Variants in ZNF471 observed in about 807,000 individuals in gnomAD.
ZNF471 encodes the protein EZFIT-related protein 1.
ZNF471 carries 7 observed loss-of-function variants against 13.7 expected under a neutral mutation model. The ratio of observed to expected loss-of-function variants is 0.51; its 90% CI spans 0.29 to 0.96. ZNF471 has a LOEUF of 0.96. Ranked by LOEUF, ZNF471 falls within the 40% of genes least tolerant of loss-of-function variation. The pLI, the probability that ZNF471 is intolerant of heterozygous loss-of-function variation, is 0.08. For synonymous variants in ZNF471, 218 were observed against 235.6 expected (o/e 0.93, Z 0.68); for missense variants, 663 against 743.3 (o/e 0.89, Z 1.26).
At chr19:56,511,221 T>C (rs1278290022) in intron 1 of ZNF471, among the ~76,000 whole-genome samples, 1 of 151,152 alleles carries the variant, frequency 6.6e-6, no homozygotes, top group African/African-American at 2.4e-5. Context: ...ACCTGTAAAA[T>C]GGAGGAAATG....
At chr19:56,511,414 TG>T in intron 1 of ZNF471, 102 bp from the exon 2 acceptor site, 1 of 895,240 alleles carries the variant, frequency 1.1e-6, no homozygotes, top group Non-Finnish European at 1.7e-6. Context: ...TACCCAGTTA[TG>T]GGATCAACCA....
intron 3 of ZNF471, among the ~76,000 whole-genome samples, chr19:56,517,297 A>G (rs1482466161): frequency 9.3e-6 from 1 of 107,786 alleles, no homozygotes; most frequent in Non-Finnish European, 1.8e-5. Flanking sequence ...ACACCCAGCT[A>G]ATTTTTTTTT....
In ZNF471 at chr19:56,529,760, A is replaced by C. The variant is rs1055397405; in HGVS notation, c.*3812A>C. 3.9e-5 allele frequency: 6 copies of C among 152,352 alleles called. No individual in the cohort carries two copies. The highest frequency in any genetic ancestry group is 1.4e-4 in the African/African-American group (6 of 41,574). 9.4% of individuals were successfully genotyped at this position (152,352 alleles called of 1,614,324 possible). A position where few individuals can be genotyped will look rare whatever the true frequency, so the allele number is the denominator to read the frequency against. ...GTCCTCATCCCCACCAACACAAACC[A>C]GCAGAAATTTTATGTGAATGTGAAG... is the stretch of plus-strand genomic sequence containing the variant. On this transcript the variant is annotated 3_prime_UTR_variant, in exon 5 of 5. Coordinates refer to ENST00000308031, the MANE Select transcript of ZNF471 (RefSeq NM_020813.4).
chr19:56,514,658 C>T (rs1037158170), intron 2 of ZNF471, among the ~76,000 whole-genome samples: 2 of 152,124 alleles, frequency 1.3e-5, no homozygotes, highest in African/African-American at 4.8e-5. Flanking sequence ...GGGGTGCACA[C>T]TGTAAACATG....
Position 56,510,543 on chromosome 19 carries a change from G to T in ZNF471, c.-55-974G>T. The T allele has an allele frequency of 1.0e-6, 1 of 985,692 alleles. No homozygotes were observed. The allele number at this position is 985,692 out of a possible 1,614,324, so 61.1% of individuals were successfully genotyped here. On this transcript the variant is annotated intron_variant, in intron 1 of 4. Transcript: ENST00000308031. The surrounding 1 kb of genome is among the most constrained non-coding windows in gnomAD (Gnocchi z 4.3). ...TGTGAAGGTGTTGGTGAATCACCAC[G>T]TGTGCTTATATTCATGTCCTCAGGC...
In ZNF471 at chr19:56,508,345, T is replaced by G. The variant is rs1332765047; in HGVS notation, c.-56+425T>G. Among the ~76,000 whole-genome samples the G allele has an allele frequency of 1.4e-5, 2 of 144,048 alleles. No homozygotes were observed. The highest frequency in any genetic ancestry group is 2.2e-4 in the South Asian group (1 of 4,474). The allele number at this position is 144,048 out of a possible 152,430, so 94.5% of individuals were successfully genotyped here. ...GAGAGACCAGTGAGTGTGAGAGAGA[T>G]AGGGATGTGCCTGCATTTGAAAGAG... On this transcript the variant is annotated intron_variant, in intron 1 of 4. Coordinates refer to ENST00000308031, the MANE Select transcript of ZNF471 (RefSeq NM_020813.4). This position sits in a 1 kb window ranked among gnomAD's most constrained non-coding sequence, Gnocchi z 4.7.
At chr19:56,512,951 T>C (rs943631310) in intron 2 of ZNF471, among the ~76,000 whole-genome samples, 3 of 152,206 alleles carry the variant, frequency 2.0e-5, no homozygotes, top group Non-Finnish European at 2.9e-5. Flanking sequence ...AACATTTACA[T>C]GGATTCTGGG....
chr19:56,524,219 G>T lies in ZNF471; in HGVS notation c.257-105G>T. ...CAGTTGACATGCCTGTACATAACAGGTTTTGTGAGATTTATTAAATATTTT... is the reference window on the plus strand; with the variant it reads ...CAGTTGACATGCCTGTACATAACAGTTTTTGTGAGATTTATTAAATATTTT... On this transcript the variant is annotated intron_variant, in intron 4 of 4. Transcript: ENST00000308031. The surrounding 1 kb of genome is among the most constrained non-coding windows in gnomAD (Gnocchi z 4.8). 1 of 843,730 alleles carries T rather than the reference G, an allele frequency of 1.2e-6. No homozygotes were observed. Among genetic ancestry groups the T allele is most frequent in the Non-Finnish European group, 1.8e-6 (1 of 566,250 alleles). 52.3% of individuals were successfully genotyped at this position (843,730 alleles called of 1,614,324 possible). A position where few individuals can be genotyped will look rare whatever the true frequency, so the allele number is the denominator to read the frequency against.
At chr19:56,511,363 C>A (rs537368293) in intron 1 of ZNF471, among the ~76,000 whole-genome samples, 154 bp from the exon 2 acceptor site, 2 of 150,964 alleles carry the variant, frequency 1.3e-5, no homozygotes, top group East Asian at 1.9e-4. Context: ...AAAAAAAAAA[C>A]CGTTATGAGT....
At chr19:56,521,490 T>G (rs941280652) in intron 4 of ZNF471, among the ~76,000 whole-genome samples, 10 of 151,776 alleles carry the variant, frequency 6.6e-5, no homozygotes, top group Admixed American at 5.9e-4. Flanking sequence ...TACAAAAAAA[T>G]TAGCTGGGCA....
chr19:56,508,082 C>G lies in ZNF471; in HGVS notation c.-56+162C>G. The G allele has an allele frequency of 1.0e-6, 1 of 985,132 alleles. No homozygotes were observed. The highest frequency in any genetic ancestry group is 1.2e-6 in the Non-Finnish European group (1 of 829,678). The allele number at this position is 985,132 out of a possible 1,614,324, so 61.0% of individuals were successfully genotyped here. ...AGCGGGGCGCGCGTACTCGAGTCTG[C>G]GGGGCGGAGGCCGCGGCTCGGGGCT... On this transcript the variant is annotated intron_variant, in intron 1 of 4. Transcript: ENST00000308031. This position sits in a 1 kb window ranked among gnomAD's most constrained non-coding sequence, Gnocchi z 4.7.
At chr19:56,515,292 A>G (rs771061255) in intron 2 of ZNF471, among the ~76,000 whole-genome samples, 2 of 152,212 alleles carry the variant, frequency 1.3e-5, no homozygotes, top group African/African-American at 2.4e-5. Flanking sequence ...TTTTGCTTGC[A>G]TTGAGGAATA....
In ZNF471 at chr19:56,522,580, C is replaced by T. The variant is rs1177121076; in HGVS notation, c.257-1744C>T. Among the ~76,000 whole-genome samples the T allele has an allele frequency of 6.6e-6, 1 of 152,108 alleles. No individual in the cohort carries two copies. The highest frequency in any genetic ancestry group is 1.9e-4 in the East Asian group (1 of 5,196). On this transcript the variant is annotated intron_variant, in intron 4 of 4. Transcript: ENST00000308031. The surrounding 1 kb of genome is among the most constrained non-coding windows in gnomAD (Gnocchi z 4.1). The stretch of plus-strand genomic sequence containing the variant: ...ATGGATGACATAGAAAAGGAAAGCC[C>T]TTCCTTTGCCTTTTCTTGAAACCAC...
chr19:56,512,155 A>G (rs2147904796), intron 2 of ZNF471, among the ~76,000 whole-genome samples: 1 of 148,358 alleles, frequency 6.7e-6, no homozygotes, highest in South Asian at 2.1e-4. Context: ...GACATGGTAC[A>G]AAATTTACAA....
At position 56,526,147 on chromosome 19, in the gene ZNF471, TA is replaced by T; in HGVS notation, c.*200del. ...CAACGCAGAAGGTGGGTGCTTTCTGTATTTCCAGCTGAGGTACCTGGCTCAT... is the reference window on the plus strand; with the variant it reads ...CAACGCAGAAGGTGGGTGCTTTCTGTTTTCCAGCTGAGGTACCTGGCTCAT... On this transcript the variant is annotated 3_prime_UTR_variant, in exon 5 of 5. Coordinates refer to ENST00000308031, the MANE Select transcript of ZNF471 (RefSeq NM_020813.4). 1.9e-6 allele frequency: 1 copy of T among 527,476 alleles called. No individual in the cohort carries two copies. Among genetic ancestry groups the T allele is most frequent in the Non-Finnish European group, 3.2e-6 (1 of 311,026 alleles). 32.7% of individuals were successfully genotyped at this position (527,476 alleles called of 1,614,324 possible). A position where few individuals can be genotyped will look rare whatever the true frequency, so the allele number is the denominator to read the frequency against.
intron 3 of ZNF471, among the ~76,000 whole-genome samples, chr19:56,517,056 T>C (rs1189449662): frequency 6.6e-6 from 1 of 152,172 alleles, no homozygotes; most frequent in Non-Finnish European, 1.5e-5. Flanking sequence ...CTATGTTAGA[T>C]TGTTTGATAT....
chr19:56,509,271 C>A (rs1050360427), intron 1 of ZNF471, among the ~76,000 whole-genome samples: 1 of 152,176 alleles, frequency 6.6e-6, no homozygotes, highest in Non-Finnish European at 1.5e-5. Flanking sequence ...TATGAAGCTT[C>A]CATAAAAACC....
In ZNF471 at chr19:56,508,273, TGAGACCAGGGTATGTTC is replaced by T; in HGVS notation, c.-56+355_-56+371del. On this transcript the variant is annotated intron_variant, in intron 1 of 4. Coordinates refer to ENST00000308031, the MANE Select transcript of ZNF471 (RefSeq NM_020813.4). This position sits in a 1 kb window ranked among gnomAD's most constrained non-coding sequence, Gnocchi z 4.7. ...TGTGTGACAGACCGAGAGTCCAGTG[TGAGACCAGGGTATGTTC>T]GTGTGTGACAGAGCGAGACGGGCCA... is the stretch of plus-strand genomic sequence containing the variant. 2 of 786,174 alleles carry T rather than the reference TGAGACCAGGGTATGTTC, an allele frequency of 2.5e-6. No homozygotes were observed. The highest frequency in any genetic ancestry group is 2.0e-5 in the African/African-American group (1 of 48,814). The allele number at this position is 786,174 out of a possible 1,614,324, so 48.7% of individuals were successfully genotyped here.
intron 3 of ZNF471, 21 bp from the exon 4 acceptor site, chr19:56,518,461 A>T (rs750669865): frequency 6.3e-7 from 1 of 1,599,114 alleles, no homozygotes; most frequent in Non-Finnish European, 8.5e-7. Flanking sequence ...ACCAATTTTC[A>T]TGTCTTTTTT....
Sources: allele counts gnomAD v4.1 joint callset (sites outside exome capture counted in the v4.1 genomes callset), GRCh38; gene constraint gnomAD v4.1.1; non-coding constraint Gnocchi (gnomAD v3.1); transcripts MANE v1.5; gene names NCBI Gene and HGNC (gene_info 2026-07-23, HGNC 2026-07-21).